CABCOCO1: variants seen among roughly 807,000 people sequenced by gnomAD.
CABCOCO1 encodes the protein ciliary-associated calcium-binding coiled-coil protein 1.
Under a neutral mutation model 35.7 loss-of-function variants are expected in CABCOCO1, and 28 were observed. That is an observed-to-expected ratio of 0.78 (90% CI 0.58 to 1.07). The LOEUF (loss-of-function observed/expected upper bound fraction) is 1.07. Among genes scored for constraint, CABCOCO1 ranks in the 50% least tolerant of loss-of-function variants. The pLI, the probability that CABCOCO1 is intolerant of heterozygous loss-of-function variation, is 0.00. For missense variants in CABCOCO1, 326 were observed against 309.2 expected, an observed-to-expected ratio of 1.05 and a Z score of -0.41; for synonymous variants, 95 against 100.1, an observed-to-expected ratio of 0.95 and a Z score of 0.30.
At chr10:61,756,806 C>T (rs1841906411) in intron 5 of CABCOCO1, among the ~76,000 whole-genome samples, 1 of 151,676 alleles carries the variant, frequency 6.6e-6, no homozygotes, top group African/African-American at 2.4e-5. Flanking sequence ...ATCAGGGTAC[C>T]AAATAGGAGT....
At chr10:61,733,706 G>A (rs1052518597) in intron 5 of CABCOCO1, among the ~76,000 whole-genome samples, 5 of 151,964 alleles carry the variant, frequency 3.3e-5, no homozygotes, top group African/African-American at 1.2e-4. Context: ...AACATTCACA[G>A]TTCAGAAGAT....
At chr10:61,708,827 C>T (rs554228012) in intron 5 of CABCOCO1, among the ~76,000 whole-genome samples, 1 of 152,126 alleles carries the variant, frequency 6.6e-6, no homozygotes, top group Non-Finnish European at 1.5e-5. Context: ...TAAATACCTA[C>T]AAAATAGGGC....
chr10:61,716,548 T>C (rs933670443), intron 5 of CABCOCO1, among the ~76,000 whole-genome samples: 1 of 152,166 alleles, frequency 6.6e-6, no homozygotes, highest in Non-Finnish European at 1.5e-5. Context: ...TCAAATCCTC[T>C]CTCTTGTATG....
intron 5 of CABCOCO1, among the ~76,000 whole-genome samples, chr10:61,740,550 A>G (rs1476005964): frequency 6.6e-6 from 1 of 152,222 alleles, no homozygotes; most frequent in Non-Finnish European, 1.5e-5. Context: ...CAAAGTGCAA[A>G]TGAAATGCAA....
chr10:61,708,235 G>A (rs777043214), intron 5 of CABCOCO1, among the ~76,000 whole-genome samples: 46 of 150,898 alleles, frequency 3.0e-4, no homozygotes, highest in Non-Finnish European at 5.8e-4. Context: ...TCATGAATGT[G>A]TTGTTGTGAG....
chr10:61,700,095 A>G (rs552122363), intron 5 of CABCOCO1, among the ~76,000 whole-genome samples: 1 of 152,256 alleles, frequency 6.6e-6, no homozygotes, highest in African/African-American at 2.4e-5. Flanking sequence ...GGAATAACAC[A>G]TGTCTATATT....
At chr10:61,669,524 A>G (rs1404074876) in intron 1 of CABCOCO1, among the ~76,000 whole-genome samples, 2 of 152,030 alleles carry the variant, frequency 1.3e-5, no homozygotes, top group Admixed American at 1.3e-4. Context: ...AAGATTAAAC[A>G]TTTTTAGCCA....
chr10:61,765,338 A>G (rs1750624872), intron 7 of CABCOCO1, among the ~76,000 whole-genome samples: 1 of 152,228 alleles, frequency 6.6e-6, no homozygotes, highest in Non-Finnish European at 1.5e-5. Flanking sequence ...CAGAGGCAAA[A>G]TGCTATCACC....
rs1841089808 is a variant in CABCOCO1, at chr10:61,724,224, G to C, written c.552+33603G>C. Among the ~76,000 whole-genome samples the C allele has an allele frequency of 7.9e-5, 12 of 152,098 alleles. No homozygotes were observed. The South Asian group carries it at 1.9e-3, about 24-fold the overall frequency. ...AATACTCAATATTGTACAAATTCAAGCCCTTTCTTAATGTTTAAATCCAAT... is the reference window on the plus strand; with the variant it reads ...AATACTCAATATTGTACAAATTCAACCCCTTTCTTAATGTTTAAATCCAAT... On this transcript the variant is annotated intron_variant, in intron 5 of 7. Coordinates refer to ENST00000648843, the MANE Select transcript of CABCOCO1 (RefSeq NM_001366906.2).
chr10:61,725,717 C>T (rs1461280500), intron 5 of CABCOCO1, among the ~76,000 whole-genome samples: 1 of 151,564 alleles, frequency 6.6e-6, no homozygotes, highest in Non-Finnish European at 1.5e-5. Context: ...ATGTAACAAA[C>T]CTGCACATTG....
chr10:61,745,768 C>T (rs144133188), intron 5 of CABCOCO1, among the ~76,000 whole-genome samples: 13 of 152,318 alleles, frequency 8.5e-5, no homozygotes, highest in East Asian at 3.9e-4. Flanking sequence ...ACAGCATATC[C>T]AGCAAGATGG....
intron 5 of CABCOCO1, among the ~76,000 whole-genome samples, chr10:61,748,756 C>G (rs544747146): frequency 6.6e-6 from 1 of 152,132 alleles, no homozygotes; most frequent in Non-Finnish European, 1.5e-5. Flanking sequence ...ATTCAAACCA[C>G]GAAAATAGGT....
At chr10:61,710,125 T>C (rs1840693434) in intron 5 of CABCOCO1, among the ~76,000 whole-genome samples, 1 of 152,032 alleles carries the variant, frequency 6.6e-6, no homozygotes, top group Non-Finnish European at 1.5e-5. Flanking sequence ...TTTTAAATGA[T>C]TTTTCCAGTG....
At chr10:61,690,314 A>G (rs2131993878) in intron 4 of CABCOCO1, among the ~76,000 whole-genome samples, 1 of 152,238 alleles carries the variant, frequency 6.6e-6, no homozygotes, top group Non-Finnish European at 1.5e-5. Context: ...AGATGGATTT[A>G]CTGATATTAT....
At chr10:61,707,628 A>C (rs1408549895) in intron 5 of CABCOCO1, among the ~76,000 whole-genome samples, 1 of 152,152 alleles carries the variant, frequency 6.6e-6, no homozygotes, top group Non-Finnish European at 1.5e-5. Context: ...TTTGGGATGA[A>C]GAGTGTGCTA....
At chr10:61,682,222 T>C (rs1270637088) in intron 3 of CABCOCO1, among the ~76,000 whole-genome samples, 1 of 152,188 alleles carries the variant, frequency 6.6e-6, no homozygotes, top group Non-Finnish European at 1.5e-5. Context: ...TTGATATTAT[T>C]GCAAAAATGA....
intron 5 of CABCOCO1, among the ~76,000 whole-genome samples, chr10:61,726,735 C>T (rs1387593005): frequency 6.6e-6 from 1 of 151,756 alleles, no homozygotes; most frequent in Non-Finnish European, 1.5e-5. Flanking sequence ...CCTTTTTACT[C>T]CTACAGCCTT....
At chr10:61,735,825 TG>T (rs1222649854) in intron 5 of CABCOCO1, among the ~76,000 whole-genome samples, 1 of 152,170 alleles carries the variant, frequency 6.6e-6, no homozygotes, top group Non-Finnish European at 1.5e-5. Context: ...ATAGCAGTTC[TG>T]AAGTAATGTG....
At chr10:61,696,515 A>G (rs1466652015) in intron 5 of CABCOCO1, among the ~76,000 whole-genome samples, 2 of 152,060 alleles carry the variant, frequency 1.3e-5, no homozygotes, top group Admixed American at 1.3e-4. Flanking sequence ...TCATCATTTT[A>G]GAGATAGGGT....
Sources: gnomAD v4.1 joint callset for allele counts (sites outside exome capture counted in the v4.1 genomes callset) on GRCh38, gnomAD v4.1.1 for gene constraint, MANE v1.5 for transcripts, NCBI Gene and HGNC (gene_info 2026-07-23, HGNC 2026-07-21) for gene names.